Variants in SORCS2 observed in about 807,000 individuals in gnomAD.
SORCS2 encodes VPS10 domain-containing receptor SorCS2.
Under a neutral mutation model 141.6 loss-of-function variants are expected in SORCS2, and 100 were observed. The observed-to-expected ratio is 0.71, with a 90% CI of 0.60 to 0.83. The LOEUF is 0.83. SORCS2 is among the 40% of genes least tolerant of loss of function. The pLI is 0.00. For synonymous variants in SORCS2, 789 were observed against 676.9 expected (o/e 1.17, Z -2.57); for missense variants, 1,646 against 1,560.2 (o/e 1.05, Z -0.93).
At chr4:7,275,621 G>A (rs1431422151) in intron 1 of SORCS2, among the ~76,000 whole-genome samples, 1 of 152,136 alleles carries the variant, frequency 6.6e-6, no homozygotes, top group Non-Finnish European at 1.5e-5. Context: ...ACTTCCTGTT[G>A]CTGCTTGTGT....
At chr4:7,428,502 C>T (rs1012077203) in intron 2 of SORCS2, among the ~76,000 whole-genome samples, 1 of 152,074 alleles carries the variant, frequency 6.6e-6, no homozygotes, top group Non-Finnish European at 1.5e-5. Context: ...AGTTATGGGG[C>T]CGAGGGCAGT....
intron 25 of SORCS2, among the ~76,000 whole-genome samples, chr4:7,734,728 G>A (rs6843811): frequency 0.52 from 79,636 of 152,032 alleles, 21,236 homozygotes; most frequent in Admixed American, 0.61. Context: ...TAAGCAGTGT[G>A]CCCAAGGTAA....
chr4:7,445,079 T>TG (rs1434827893), intron 2 of SORCS2, among the ~76,000 whole-genome samples: 1 of 150,648 alleles, frequency 6.6e-6, no homozygotes, highest in Non-Finnish European at 1.5e-5. Context: ...AGGGAGGGAT[T>TG]GGGGGAGGCC....
chr4:7,588,762 G>T (rs9991724), intron 3 of SORCS2, among the ~76,000 whole-genome samples: 118,807 of 152,124 alleles, frequency 0.78, 47,814 homozygotes, highest in Non-Finnish European at 0.88. Flanking sequence ...ACACTGACAT[G>T]CATTCATTCA....
intron 1 of SORCS2, among the ~76,000 whole-genome samples, chr4:7,327,319 G>T (rs1719328914): frequency 6.6e-6 from 1 of 152,192 alleles, no homozygotes; most frequent in Non-Finnish European, 1.5e-5. Context: ...GCGAGGCTCT[G>T]TGCTCCTCGG....
In SORCS2 at chr4:7,245,630, G is replaced by A. The variant is rs182516449; in HGVS notation, c.480+52504G>A. ...GTGAAGATTTCAAATGTGCACAGAC[G>A]CGAGAGTGTCAGCCATTGCTATTGG... On this transcript the variant is annotated intron_variant, in intron 1 of 26. Coordinates refer to ENST00000507866, the MANE Select transcript of SORCS2 (RefSeq NM_020777.3). Among the ~76,000 whole-genome samples the A allele has an allele frequency of 2.7e-3, 410 of 152,308 alleles. 4 individuals are homozygous for A. Among genetic ancestry groups the A allele is most frequent in the African/African-American group, 8.8e-3 (364 of 41,576 alleles).
At chr4:7,394,555 C>T (rs751781430) in intron 1 of SORCS2, among the ~76,000 whole-genome samples, 6 of 127,812 alleles carry the variant, frequency 4.7e-5, no homozygotes, top group African/African-American at 1.5e-4. Context: ...GGGTGAGGAA[C>T]GCCTTGTGCA....
At chr4:7,618,128 C>T (rs1226578465) in intron 3 of SORCS2, among the ~76,000 whole-genome samples, 1 of 152,092 alleles carries the variant, frequency 6.6e-6, no homozygotes, top group Non-Finnish European at 1.5e-5. Flanking sequence ...CATCGCGTTG[C>T]CATCGGAACT....
intron 3 of SORCS2, among the ~76,000 whole-genome samples, chr4:7,535,971 A>G (rs1432594985): frequency 6.6e-6 from 1 of 152,242 alleles, no homozygotes; most frequent in East Asian, 1.9e-4. Flanking sequence ...TTTGTTATCT[A>G]ACTAACAGGG....
chr4:7,494,162 A>G (rs998081909), intron 2 of SORCS2, among the ~76,000 whole-genome samples: 1 of 152,234 alleles, frequency 6.6e-6, no homozygotes, highest in African/African-American at 2.4e-5. Context: ...TATCTTTTGT[A>G]CAAATATAGT....
chr4:7,291,647 C>A (rs1057194065), intron 1 of SORCS2, among the ~76,000 whole-genome samples: 18 of 152,164 alleles, frequency 1.2e-4, no homozygotes, highest in African/African-American at 4.3e-4. Context: ...GCCAGGAGAG[C>A]CTGGTGTGTG....
chr4:7,435,041 C>A, intron 2 of SORCS2: 1 of 829,664 alleles, frequency 1.2e-6, no homozygotes. Context: ...CTGGCCTCTT[C>A]GCCTTTGCTC....
rs111330464 is a variant in SORCS2, at chr4:7,224,693, G to C, written c.480+31567G>C. 1.4e-3 allele frequency among the ~76,000 whole-genome samples: 207 copies of C among 152,346 alleles called. 1 individual carries two copies. Among genetic ancestry groups the C allele is most frequent in the African/African-American group, 4.5e-3 (189 of 41,578 alleles). Reference sequence around the variant, plus strand: ...CCCACCGCCAACACTGGGGAATACAGTGAGGCTTGGGTGGGGACAGAGTCA... The same window carrying C: ...CCCACCGCCAACACTGGGGAATACACTGAGGCTTGGGTGGGGACAGAGTCA... On this transcript the variant is annotated intron_variant, in intron 1 of 26. Coordinates refer to ENST00000507866, the MANE Select transcript of SORCS2 (RefSeq NM_020777.3).
intron 18 of SORCS2, among the ~76,000 whole-genome samples, chr4:7,722,132 A>G (rs1417928721): frequency 1.3e-5 from 2 of 152,246 alleles, no homozygotes; most frequent in Non-Finnish European, 2.9e-5. Flanking sequence ...CCTTGAAGGC[A>G]GGAACACAAG....
intron 1 of SORCS2, among the ~76,000 whole-genome samples, chr4:7,305,101 A>T (rs1311506435): frequency 6.8e-6 from 1 of 148,090 alleles, no homozygotes; most frequent in African/African-American, 2.5e-5. Context: ...GAGTGATCTC[A>T]GCTCACTGCA....
intron 9 of SORCS2, among the ~76,000 whole-genome samples, chr4:7,681,570 T>C (rs1658006768): frequency 6.6e-6 from 1 of 152,346 alleles, no homozygotes; most frequent in South Asian, 2.1e-4. Flanking sequence ...CATGCCAGGC[T>C]TCTGCCCTCC....
At chr4:7,222,072 G>A (rs1354083582) in intron 1 of SORCS2, among the ~76,000 whole-genome samples, 2 of 152,170 alleles carry the variant, frequency 1.3e-5, no homozygotes, top group African/African-American at 4.8e-5. Context: ...CCAGACAAGG[G>A]GAAAGGGCGT....
intron 2 of SORCS2, among the ~76,000 whole-genome samples, chr4:7,526,224 C>G (rs977716462): frequency 6.6e-6 from 1 of 152,262 alleles, no homozygotes; most frequent in Non-Finnish European, 1.5e-5. Context: ...ACTGCAGAGC[C>G]CCACACCTTC....
intron 3 of SORCS2, among the ~76,000 whole-genome samples, chr4:7,585,041 G>C (rs770904840): frequency 6.6e-6 from 1 of 152,196 alleles, no homozygotes; most frequent in South Asian, 2.1e-4. Flanking sequence ...AAGAGCAGCC[G>C]TTCTGTCTGA....
Sources: allele counts gnomAD v4.1 joint callset (sites outside exome capture counted in the v4.1 genomes callset), GRCh38; gene constraint gnomAD v4.1.1; transcripts MANE v1.5; gene names NCBI Gene and HGNC (gene_info 2026-07-23, HGNC 2026-07-21).